The following SRGAP1 variants were observed in gnomAD, a reference collection of about 807,000 sequenced individuals.
The protein encoded by SRGAP1 is SLIT-ROBO Rho GTPase activating protein 1.
A neutral mutation model predicts 121.9 loss-of-function variants in SRGAP1; 43 were observed. The ratio of observed to expected loss-of-function variants is 0.35; its 90% CI spans 0.28 to 0.46. The LOEUF is 0.46. Ranked by LOEUF, SRGAP1 falls within the 20% of genes least tolerant of loss-of-function variation. SRGAP1 has a pLI of 1.00. For missense variants in SRGAP1, 1,102 were observed against 1,350.9 expected (o/e 0.82, Z 2.89); for synonymous variants, 447 against 485.4 (o/e 0.92, Z 1.04).
At chr12:63,969,761 T>A (rs920825344) in intron 1 of SRGAP1, among the ~76,000 whole-genome samples, 1 of 150,890 alleles carries the variant, frequency 6.6e-6, no homozygotes, top group Admixed American at 6.6e-5. Flanking sequence ...GCCACTGCAC[T>A]CCAGCCTGGG....
rs572687498 is a variant in SRGAP1, at chr12:63,922,629, G to C, written c.68-61318G>C. On this transcript the variant is annotated intron_variant, in intron 1 of 21. Coordinates refer to ENST00000355086, the MANE Select transcript of SRGAP1 (RefSeq NM_020762.4). ...TTCTTGCACCATCCTTCACATTCCAGCCATACCAAATTGCTTGTAGTTGCT... is the reference window on the plus strand; with the variant it reads ...TTCTTGCACCATCCTTCACATTCCACCCATACCAAATTGCTTGTAGTTGCT... 1.2e-4 allele frequency among the ~76,000 whole-genome samples: 19 copies of C among 152,272 alleles called. No individual in the cohort carries two copies. The South Asian group carries it at 3.9e-3, about 32-fold the overall frequency.
intron 14 of SRGAP1, among the ~76,000 whole-genome samples, chr12:64,095,872 C>T (rs1220381322): frequency 6.6e-6 from 1 of 152,174 alleles, no homozygotes; most frequent in Non-Finnish European, 1.5e-5. Context: ...CATATCATTT[C>T]CTTATGTTAG....
At position 64,128,029 on chromosome 12, in the gene SRGAP1, C is replaced by T; in HGVS notation, c.2709C>T (p.Asn903=). The T allele has an allele frequency of 1.2e-6, 2 of 1,614,188 alleles. 1 individual carries two copies. The highest frequency in any genetic ancestry group is 3.3e-4 in the Middle Eastern group (2 of 6,062). ...GCCTGCTGCAGAACCGTGGCCTCAACAATGACAGTCCTGAGCGGAGGCGCA... is the reference window on the plus strand; with the variant it reads ...GCCTGCTGCAGAACCGTGGCCTCAATAATGACAGTCCTGAGCGGAGGCGCA... ...PRGLLQNRGL[N]NDSPERRRRP... is the part of the protein sequence containing the mutation. Residue 903 remains asparagine (N), a synonymous_variant, in exon 21 of 22, where the codon AAC becomes AAT. Transcript: ENST00000355086.
At chr12:64,058,383 G>A (rs993230712) in intron 6 of SRGAP1, among the ~76,000 whole-genome samples, 13 of 152,154 alleles carry the variant, frequency 8.5e-5, no homozygotes, top group Non-Finnish European at 1.2e-4. Context: ...ATTGAGGAGC[G>A]TCTGTACTTG....
chr12:64,068,352 T>C (rs1198593119), intron 8 of SRGAP1, among the ~76,000 whole-genome samples: 5 of 151,914 alleles, frequency 3.3e-5, no homozygotes, highest in Non-Finnish European at 5.9e-5. Context: ...AAAATTTTTT[T>C]TGAGACAGGG....
At chr12:63,855,879 A>G (rs913269263) in intron 1 of SRGAP1, among the ~76,000 whole-genome samples, 3 of 151,922 alleles carry the variant, frequency 2.0e-5, no homozygotes, top group African/African-American at 7.3e-5. Flanking sequence ...GTTTTGTTTT[A>G]GTATGTTCGT....
At chr12:64,103,125 G>A (rs976592743) in intron 15 of SRGAP1, among the ~76,000 whole-genome samples, 23 of 152,062 alleles carry the variant, frequency 1.5e-4, no homozygotes, top group African/African-American at 4.1e-4. Context: ...GACCACAGGC[G>A]TGCACCACCA....
intron 17 of SRGAP1, among the ~76,000 whole-genome samples, chr12:64,114,084 C>G (rs1375865571): frequency 6.6e-6 from 1 of 151,990 alleles, no homozygotes; most frequent in Admixed American, 6.6e-5. Flanking sequence ...ACTTAGTTGA[C>G]TATTTCCAGA....
chr12:64,080,367 G>A lies in SRGAP1; in HGVS notation c.1405G>A (p.Glu469Lys). The A allele has an allele frequency of 6.2e-7, 1 of 1,612,668 alleles. No homozygotes were observed. The highest frequency in any genetic ancestry group is 8.5e-7 in the Non-Finnish European group (1 of 1,178,908). The change falls in exon 10 of 22, where the codon GAA becomes AAA. Residue 469 changes from glutamate (E) to lysine (K), a missense_variant. Transcript: ENST00000355086. ...KHDLLQRTLG[E>K]GHRAEYMTTR... ...TGACTTGCTGCAGAGGACCCTGGGA[G>A]AAGGTGAGTTATCCAAAATGTATGG...
chr12:64,022,605 A>G (rs555414256), intron 4 of SRGAP1, among the ~76,000 whole-genome samples: 1 of 152,308 alleles, frequency 6.6e-6, no homozygotes, highest in Non-Finnish European at 1.5e-5. Flanking sequence ...ACATAAAATT[A>G]ATTATTACGG....
At chr12:63,947,013 A>G (rs2032072070) in intron 1 of SRGAP1, among the ~76,000 whole-genome samples, 1 of 152,186 alleles carries the variant, frequency 6.6e-6, no homozygotes, top group African/African-American at 2.4e-5. Flanking sequence ...TGTGATTGAT[A>G]ATCACAGATT....
chr12:63,878,768 C>T (rs893180471), intron 1 of SRGAP1: 3 of 152,200 alleles, frequency 2.0e-5, no homozygotes, highest in African/African-American at 7.2e-5. Context: ...CAGTCCACCT[C>T]CTAGCTGCAA....
chr12:63,862,811 C>T (rs531395881), intron 1 of SRGAP1, among the ~76,000 whole-genome samples: 14 of 152,296 alleles, frequency 9.2e-5, no homozygotes, highest in Admixed American at 6.5e-4. Flanking sequence ...TCCTTCTGCT[C>T]ATATTGATTA....
intron 4 of SRGAP1, among the ~76,000 whole-genome samples, chr12:64,018,976 T>A (rs1357025964): frequency 6.6e-6 from 1 of 152,210 alleles, no homozygotes; most frequent in Non-Finnish European, 1.5e-5. Flanking sequence ...TGTGGCACTT[T>A]CCTTGAGGTT....
intron 1 of SRGAP1, among the ~76,000 whole-genome samples, chr12:63,922,670 G>A (rs1333655201): frequency 2.0e-5 from 3 of 152,188 alleles, no homozygotes; most frequent in African/African-American, 7.2e-5. Context: ...TAGAGCAAGT[G>A]CTCCTTGTCT....
intron 15 of SRGAP1, among the ~76,000 whole-genome samples, chr12:64,099,987 A>T (rs2036228298): frequency 6.6e-6 from 1 of 152,198 alleles, no homozygotes; most frequent in Admixed American, 6.5e-5. Flanking sequence ...ACTTTGTATA[A>T]ACTTGGGCAA....
intron 1 of SRGAP1, among the ~76,000 whole-genome samples, chr12:63,908,068 C>T (rs1218346995): frequency 6.6e-6 from 1 of 152,144 alleles, no homozygotes; most frequent in Non-Finnish European, 1.5e-5. Context: ...TATATTGATG[C>T]ATATGTATGT....
chr12:63,856,293 T>TAAATAAAA lies in SRGAP1; in HGVS notation c.67+11413_67+11414insTAAAAAAA, dbSNP rs1555231760. 1.6e-4 allele frequency among the ~76,000 whole-genome samples: 23 copies of TAAATAAAA among 144,230 alleles called. 1 individual carries two copies. The South Asian group carries it at 5.2e-3, about 32-fold the overall frequency. 94.6% of individuals were successfully genotyped at this position (144,230 alleles called of 152,430 possible). ...ATAAATAAATAAATAAATAAATAAA[T>TAAATAAAA]AAAAAGATCCTCTTAATAAATAGAA... is the stretch of plus-strand genomic sequence containing the variant. On this transcript the variant is annotated intron_variant, in intron 1 of 21. Transcript: ENST00000355086.
chr12:63,880,468 T>C (rs1900159479), intron 1 of SRGAP1, among the ~76,000 whole-genome samples: 1 of 152,150 alleles, frequency 6.6e-6, no homozygotes, highest in African/African-American at 2.4e-5. Context: ...TGACCTCAAG[T>C]GATCCGCCCC....
Sources: allele counts gnomAD v4.1 joint callset (sites outside exome capture counted in the v4.1 genomes callset), GRCh38; gene constraint gnomAD v4.1.1; transcripts MANE v1.5; gene names NCBI Gene and HGNC (gene_info 2026-07-23, HGNC 2026-07-21).